ABCA7: variants seen among roughly 807,000 people sequenced by gnomAD.
ABCA7 encodes phospholipid-transporting ATPase ABCA7.
A neutral mutation model predicts 227.6 loss-of-function variants in ABCA7; 261 were observed. The ratio of observed to expected loss-of-function variants is 1.15; its 90% CI spans 1.04 to 1.27. The LOEUF (loss-of-function observed/expected upper bound fraction) is 1.27. ABCA7 is among the 50% of genes most tolerant of loss of function. ABCA7 has a pLI of 0.00. For synonymous variants in ABCA7, 1,488 were observed against 1,279.7 expected (o/e 1.16, Z -3.47); for missense variants, 3,331 against 2,924.5 (o/e 1.14, Z -3.21).
chr19:1,055,322 C>A lies in ABCA7; in HGVS notation c.4176C>A (p.Val1392=), dbSNP rs1248176316. The A allele has an allele frequency of 6.3e-7, 1 of 1,598,926 alleles. No individual in the cohort carries two copies. The highest frequency in any genetic ancestry group is 8.5e-7 in the Non-Finnish European group (1 of 1,174,838). Residue 1392 remains valine, a synonymous_variant, in exon 30 of 47, where the codon GTC becomes GTA. Transcript: ENST00000263094. The part of the protein sequence containing the change: ...LTGRNLSDFL[V]KTYPRLVRQG... ...GCCGGAACCTGTCTGACTTCCTGGTCAAGACCTACCCGCGCCTGGTGCGCC... is the reference window on the plus strand; with the variant it reads ...GCCGGAACCTGTCTGACTTCCTGGTAAAGACCTACCCGCGCCTGGTGCGCC...
In ABCA7 at chr19:1,053,475, C is replaced by A; in HGVS notation, c.3367C>A (p.Arg1123=). 8.8e-6 allele frequency: 14 copies of A among 1,591,472 alleles called. No homozygotes were observed. The highest frequency in any genetic ancestry group is 1.2e-5 in the Non-Finnish European group (14 of 1,171,878). ...FATLFRELDT[R]LAELRLTGYG... ...CACACTCTTCCGAGAGCTAGACACG[C>A]GGCTGGCGGAGCTGAGGCTCACTGG... is the stretch of plus-strand genomic sequence containing the variant. The change falls in exon 24 of 47, where the codon CGG becomes AGG. Residue 1123 remains arginine (R), a synonymous_variant. Coordinates refer to ENST00000263094, the MANE Select transcript of ABCA7 (RefSeq NM_019112.4).
intron 10 of ABCA7, 136 bp from the exon 11 acceptor site, chr19:1,044,441 T>C: frequency 2.0e-6 from 2 of 1,007,754 alleles, no homozygotes; most frequent in African/African-American, 3.3e-5. Context: ...AGAGATGGGC[T>C]TTCACCATGT....
At chr19:1,045,256 G>GA (rs756339365) in intron 12 of ABCA7, 25 bp downstream of exon 12, 32 of 861,906 alleles carry the variant, frequency 3.7e-5, no homozygotes, top group Admixed American at 1.9e-4. Flanking sequence ...GGGGCGGGGG[G>GA]ATGAGGGACT....
chr19:1,058,769 G>T (rs1365875261), intron 38 of ABCA7, 22 bp downstream of exon 38: 1 of 1,607,392 alleles, frequency 6.2e-7, no homozygotes, highest in South Asian at 1.1e-5. Context: ...CTATGGAGAG[G>T]GTGGCAGGGG....
rs376958820 is a variant in ABCA7 at position 1,065,283 on chromosome 19, T to A, written c.6299T>A (p.Phe2100Tyr). Residue 2100 changes from phenylalanine (F) to tyrosine (Y), a missense_variant, in exon 47 of 47, where the codon TTC (phenylalanine) becomes TAC (tyrosine). Physicochemically the swap from Phe to Tyr is conservative, Grantham distance 22. Transcript: ENST00000263094. The stretch of plus-strand genomic sequence containing the variant: ...GCCCACCGCTAGGTATTCTTGTACT[T>A]CTCCAAGGACCAGGGGAAGGACGAG... ...QTMLEEVFLY[F>Y]SKDQGKDEDT... The A allele has an allele frequency of 3.1e-6, 5 of 1,613,050 alleles. No individual in the cohort carries two copies. The African/African-American group carries it at 4.0e-5, about 13-fold the overall frequency.
At position 1,063,689 on chromosome 19, in the gene ABCA7, G is replaced by C. The variant is rs1461783958; in HGVS notation, c.5847+11G>C. On this transcript the variant is annotated intron_variant, in intron 43 of 46. Coordinates refer to ENST00000263094, the MANE Select transcript of ABCA7 (RefSeq NM_019112.4). ...GCCGTGGTGTTTCTGGTGCGTGGGA[G>C]CGGTGCCTGGGTGGGGTGGGGCCTG... 3 of 1,581,508 alleles carry C rather than the reference G, an allele frequency of 1.9e-6. No homozygotes were observed. The highest frequency in any genetic ancestry group is 1.8e-5 in the Admixed American group (1 of 54,236).
intron 40 of ABCA7, among the ~76,000 whole-genome samples, chr19:1,060,207 A>ATATATATATATATATTTTT: frequency 1.0e-5 from 1 of 96,770 alleles, no homozygotes; most frequent in African/African-American, 3.5e-5. Flanking sequence ...ATATATATAT[A>ATATATATATATATATTTTT]TTTTTTTTTC....
chr19:1,042,416 A>G lies in ABCA7; in HGVS notation c.498+19A>G, dbSNP rs1568224151. On this transcript the variant is annotated intron_variant, in intron 6 of 46. Transcript: ENST00000263094. ...GCGCACGGTAGGGTGTCGGGGCGGG[A>G]CCGCGCTGACTTCCTGGGACACTGC... 1 of 1,610,652 alleles carries G rather than the reference A, an allele frequency of 6.2e-7. No homozygotes were observed. The highest frequency in any genetic ancestry group is 8.5e-7 in the Non-Finnish European group (1 of 1,178,928).
intron 12 of ABCA7, among the ~76,000 whole-genome samples, chr19:1,045,971 C>T (rs1278075783): frequency 2.1e-5 from 3 of 143,612 alleles, no homozygotes; most frequent in Non-Finnish European, 3.2e-5. Flanking sequence ...GGCGCCACTG[C>T]ACTCCAGCCT....
rs1350090098 is a variant in ABCA7, at chr19:1,041,612, C to G, written c.160+9C>G. On this transcript the variant is annotated intron_variant, in intron 3 of 46. Coordinates refer to ENST00000263094, the MANE Select transcript of ABCA7 (RefSeq NM_019112.4). ...CCTGGAGCACCATGAATGTGAGCCC[C>G]CCCAGGGACCAGGCACTTTGTGTGT... 1.9e-6 allele frequency: 3 copies of G among 1,610,438 alleles called. No homozygotes were observed. The highest frequency in any genetic ancestry group is 1.3e-5 in the African/African-American group (1 of 74,936).
At position 1,042,746 on chromosome 19, in the gene ABCA7, G is replaced by A. The variant is rs1182844289; in HGVS notation, c.499G>A (p.Glu167Lys). 1.2e-6 allele frequency: 2 copies of A among 1,613,478 alleles called. No individual in the cohort carries two copies. Among genetic ancestry groups the A allele is most frequent in the South Asian group, 2.2e-5 (2 of 91,086 alleles). The part of the protein sequence containing the change: ...AELLTSLLRT[E>K]SLGLALGQAQ... The stretch of plus-strand genomic sequence containing the variant: ...TCCCCCTTGTGGTCTTTCTCCCCAG[G>A]AATCCCTGGGGTTGGCACTGGGCCA... Residue 167 changes from glutamate (E) to lysine (K), a missense_variant and splice_region_variant, in exon 7 of 47, where the codon GAA (glutamate) becomes AAA (lysine). Transcript: ENST00000263094.
chr19:1,047,871 C>A (rs908054793), intron 16 of ABCA7, among the ~76,000 whole-genome samples: 5 of 152,178 alleles, frequency 3.3e-5, no homozygotes, highest in African/African-American at 1.2e-4. Flanking sequence ...ACCTGGACGC[C>A]CTGATTCCAG....
rs1249579742 is a variant in ABCA7 at position 1,061,906 on chromosome 19, G to A, written c.5570+18G>A. 3.2e-6 allele frequency: 5 copies of A among 1,564,344 alleles called. No homozygotes were observed. The highest frequency in any genetic ancestry group is 4.3e-6 in the Non-Finnish European group (5 of 1,158,808). On this transcript the variant is annotated intron_variant, in intron 41 of 46. Coordinates refer to ENST00000263094, the MANE Select transcript of ABCA7 (RefSeq NM_019112.4). ...GGCCACAGGTGAGGGGTGCCAGGTA[G>A]GGTCAGGGTGGGGCAGGGTTGGCCC...
rs934952393 is a variant in ABCA7 at position 1,058,191 on chromosome 19, T to C, written c.5071T>C (p.Phe1691Leu). 6.2e-6 allele frequency: 10 copies of C among 1,613,528 alleles called. No individual in the cohort carries two copies. The highest frequency in any genetic ancestry group is 1.3e-5 in the African/African-American group (1 of 74,800). Residue 1691 changes from phenylalanine (F) to leucine (L), a missense_variant, in exon 37 of 47, where the codon TTC becomes CTC. Physicochemically the swap from Phe to Leu is conservative, Grantham distance 22. Coordinates refer to ENST00000263094, the MANE Select transcript of ABCA7 (RefSeq NM_019112.4). ...SRILKQVFLI[F>L]PHFCLGRGLI... is the part of the protein sequence containing the mutation. ...GATCTTGAAACAGGTCTTCCTTATC[T>C]TCCCCCACTTCTGCTTGGGCCGGGG...
In ABCA7 at chr19:1,056,410, G is replaced by A; in HGVS notation, c.4497G>A (p.Leu1499=). Reference sequence around the variant, plus strand: ...GCAACGCAATCCTCCGTGCTCACCTGCCCCCAGGCCCGGCCCGCCACGCCC... The same window carrying A: ...GCAACGCAATCCTCCGTGCTCACCTACCCCCAGGCCCGGCCCGCCACGCCC... The part of the protein sequence containing the change: ...RASNAILRAH[L]PPGPARHAHS... The change falls in exon 33 of 47, where the codon CTG becomes CTA. Residue 1499 remains leucine (L), a synonymous_variant. Transcript: ENST00000263094. This position sits in a 1 kb window ranked among gnomAD's most constrained non-coding sequence, Gnocchi z 4.3. 2 of 1,613,278 alleles carry A rather than the reference G, an allele frequency of 1.2e-6. No individual in the cohort carries two copies. The highest frequency in any genetic ancestry group is 2.2e-5 in the East Asian group (1 of 44,874).
At position 1,045,164 on chromosome 19, in the gene ABCA7, G is replaced by A. The variant is rs1474046531; in HGVS notation, c.1378G>A (p.Gly460Ser). The change falls in exon 12 of 47, where the codon GGC (glycine) becomes AGC (serine). Residue 460 changes from glycine to serine, a missense_variant. Physicochemically the swap from Gly to Ser is moderately conservative, Grantham distance 56. Transcript: ENST00000263094. Reference protein sequence around the residue: ...TEHPTPDLGPGHVRIKIRMDI... With the variant: ...TEHPTPDLGPSHVRIKIRMDI... The stretch of plus-strand genomic sequence containing the variant: ...GCACCCAACCCCAGACCTGGGCCCC[G>A]GCCACGTGCGCATCAAAATCCGCAT... The A allele has an allele frequency of 1.2e-6, 2 of 1,612,718 alleles. No individual in the cohort carries two copies. Among genetic ancestry groups the A allele is most frequent in the East Asian group, 2.2e-5 (1 of 44,892 alleles).
intron 13 of ABCA7, 33 bp from the exon 14 acceptor site, chr19:1,046,769 C>T: frequency 6.5e-7 from 1 of 1,527,276 alleles, no homozygotes; most frequent in Non-Finnish European, 8.8e-7. Context: ...TGCGGAGGGT[C>T]TCCAGCCTCC....
At chr19:1,057,574 G>A in intron 35 of ABCA7, 145 bp downstream of exon 35, 1 of 854,104 alleles carries the variant, frequency 1.2e-6, no homozygotes, top group Non-Finnish European at 1.8e-6. Flanking sequence ...CAATTCAGTG[G>A]TGTGCCAAGG....
intron 43 of ABCA7, 33 bp from the exon 44 acceptor site, chr19:1,063,727 G>A (rs746716529): frequency 1.9e-6 from 3 of 1,551,236 alleles, no homozygotes; most frequent in Admixed American, 3.9e-5. Flanking sequence ...ACGGAGGCGG[G>A]GCCTTGCTTA....
Sources: allele counts gnomAD v4.1 joint callset (sites outside exome capture counted in the v4.1 genomes callset), GRCh38; gene constraint gnomAD v4.1.1; non-coding constraint Gnocchi (gnomAD v3.1); transcripts MANE v1.5; gene names NCBI Gene and HGNC (gene_info 2026-07-23, HGNC 2026-07-21).